Variants in CATSPERE observed in about 807,000 individuals in gnomAD.
CATSPERE encodes catsper channel auxiliary subunit epsilon.
CATSPERE carries 93 observed loss-of-function variants against 114.1 expected under a neutral mutation model. The observed-to-expected ratio is 0.81, with a 90% confidence interval of 0.69 to 0.97. The LOEUF (loss-of-function observed/expected upper bound fraction) is 0.97, where lower values mean the gene tolerates loss of function less well. Ranked by LOEUF, CATSPERE falls within the 50% of genes least tolerant of loss-of-function variation. The pLI, the probability that CATSPERE is intolerant of heterozygous loss-of-function variation, is 0.00. For synonymous variants in CATSPERE, 341 were observed against 384.1 expected (o/e 0.89, Z 1.31); for missense variants, 1,058 against 1,131.6 (o/e 0.93, Z 0.93).
intron 1 of CATSPERE, among the ~76,000 whole-genome samples, chr1:244,462,761 G>A (rs572449284): frequency 6.6e-5 from 10 of 152,152 alleles, no homozygotes; most frequent in African/African-American, 2.2e-4. Flanking sequence ...ACTGATTTCC[G>A]TTAAACATAA....
intron 7 of CATSPERE, among the ~76,000 whole-genome samples, chr1:244,507,218 G>A (rs1674960105): frequency 6.6e-6 from 1 of 152,072 alleles, no homozygotes; most frequent in African/African-American, 2.4e-5. Context: ...AATAAACATG[G>A]GGGTTCAGGT....
chr1:244,621,094 A>C (rs1452525780), intron 20 of CATSPERE, among the ~76,000 whole-genome samples: 1 of 60,996 alleles, frequency 1.6e-5, no homozygotes, highest in South Asian at 4.9e-4. Flanking sequence ...AATATATATA[A>C]AATATATATA....
intron 5 of CATSPERE, among the ~76,000 whole-genome samples, chr1:244,480,641 T>TTCAGTAAAACTACAG (rs55834250): frequency 6.6e-6 from 1 of 151,408 alleles, no homozygotes; most frequent in African/African-American, 2.4e-5. Flanking sequence ...TGGTTGTTGC[T>TTCAGTAAAACTACAG]GATAGTTTTA....
rs797002010 is a variant in CATSPERE at position 244,595,939 on chromosome 1, G to GA, written c.2303+2372dup. On this transcript the variant is annotated intron_variant, in intron 17 of 21. Coordinates refer to ENST00000366534, the MANE Select transcript of CATSPERE (RefSeq NM_001130957.2). ...CAGAGCGAGACTCCGTCTCAAAAAA[G>GA]AAAAAAAAAAATTTGCTTTAGCTAG... Among the ~76,000 whole-genome samples, 20 of 147,486 alleles carry GA rather than the reference G, an allele frequency of 1.4e-4. 1 individual carries two copies. The highest frequency in any genetic ancestry group is 4.3e-4 in the South Asian group (2 of 4,664).
intron 14 of CATSPERE, among the ~76,000 whole-genome samples, chr1:244,590,097 C>A (rs1392164064): frequency 6.6e-6 from 1 of 152,100 alleles, no homozygotes; most frequent in African/African-American, 2.4e-5. Flanking sequence ...TCTAGACTTC[C>A]AATATCTATC....
At chr1:244,519,088 G>C (rs1347537891) in intron 8 of CATSPERE, among the ~76,000 whole-genome samples, 1 of 152,150 alleles carries the variant, frequency 6.6e-6, no homozygotes, top group Non-Finnish European at 1.5e-5. Context: ...GTTAAAGTTA[G>C]TAGGTTATCA....
intron 20 of CATSPERE, among the ~76,000 whole-genome samples, chr1:244,625,582 C>T (rs1338700231): frequency 6.7e-6 from 1 of 149,612 alleles, no homozygotes; most frequent in Non-Finnish European, 1.5e-5. Flanking sequence ...GCATGTGCCA[C>T]CATGCCCGGC....
intron 7 of CATSPERE, among the ~76,000 whole-genome samples, chr1:244,513,822 G>A (rs1466881768): frequency 6.6e-6 from 1 of 152,184 alleles, no homozygotes; most frequent in Non-Finnish European, 1.5e-5. Flanking sequence ...CGCACTGGTG[G>A]AAGCTGCAGG....
intron 2 of CATSPERE, among the ~76,000 whole-genome samples, chr1:244,469,481 G>A (rs1172757456): frequency 2.0e-5 from 3 of 152,042 alleles, no homozygotes; most frequent in African/African-American, 4.8e-5. Flanking sequence ...ACATATTTCA[G>A]TGTGTACCTT....
intron 2 of CATSPERE, among the ~76,000 whole-genome samples, chr1:244,474,433 C>G (rs1668958981): frequency 6.6e-6 from 1 of 151,942 alleles, no homozygotes. Context: ...TGATCTTCTT[C>G]TATGTTCATT....
chr1:244,548,876 G>A (rs1660167471), intron 8 of CATSPERE, among the ~76,000 whole-genome samples: 1 of 152,156 alleles, frequency 6.6e-6, no homozygotes, highest in African/African-American at 2.4e-5. Flanking sequence ...GGAAATGGGA[G>A]TGGCACCACT....
chr1:244,586,730 C>G (rs1667080500), intron 13 of CATSPERE, among the ~76,000 whole-genome samples: 1 of 152,146 alleles, frequency 6.6e-6, no homozygotes, highest in Non-Finnish European at 1.5e-5. Flanking sequence ...TCCAGATTTG[C>G]TTTGTGGAAA....
At chr1:244,580,082 G>T (rs1665934704) in intron 11 of CATSPERE, among the ~76,000 whole-genome samples, 3 of 152,216 alleles carry the variant, frequency 2.0e-5, no homozygotes, top group South Asian at 4.1e-4. Flanking sequence ...TGTCATCCAG[G>T]CTGGAGTGCA....
At chr1:244,581,095 G>T (rs1490224856) in intron 11 of CATSPERE, among the ~76,000 whole-genome samples, 2 of 151,616 alleles carry the variant, frequency 1.3e-5, no homozygotes, top group Non-Finnish European at 2.9e-5. Flanking sequence ...GCTAAGCTTT[G>T]TCTATTTTTG....
chr1:244,606,303 A>G (rs1490154712), intron 18 of CATSPERE, among the ~76,000 whole-genome samples: 1 of 152,150 alleles, frequency 6.6e-6, no homozygotes, highest in Non-Finnish European at 1.5e-5. Flanking sequence ...TGTAGGCCGC[A>G]GCAGAGTGGT....
intron 2 of CATSPERE, among the ~76,000 whole-genome samples, chr1:244,469,646 AAAC>A (rs1668154130): frequency 6.6e-6 from 1 of 152,236 alleles, no homozygotes; most frequent in Admixed American, 6.5e-5. Context: ...ATCTAACAAA[AAAC>A]TATTAGAACT....
intron 8 of CATSPERE, among the ~76,000 whole-genome samples, chr1:244,544,413 T>A (rs1173570528): frequency 6.6e-6 from 1 of 152,204 alleles, no homozygotes; most frequent in African/African-American, 2.4e-5. Flanking sequence ...AACTTAGGCC[T>A]ATCTCACTGT....
Position 244,566,652 on chromosome 1 carries a change from C to CTTTTTTTTTTTTTTTT in CATSPERE, c.1507+5527_1507+5542dup, listed in dbSNP as rs59466928. Among the ~76,000 whole-genome samples the CTTTTTTTTTTTTTTTT allele has an allele frequency of 7.5e-4, 37 of 49,058 alleles. 6 individuals carry two copies. The highest frequency in any genetic ancestry group is 1.5e-3 in the Non-Finnish European group (21 of 14,260). 32.2% of individuals were successfully genotyped at this position (49,058 alleles called of 152,430 possible). ...TCAGAGACTAGGATTGCAACCCCTG[C>CTTTTTTTTTTTTTTTT]TTTTTTTTTTTTTTTTTTTTTTTTT... On this transcript the variant is annotated intron_variant, in intron 10 of 21. Coordinates refer to ENST00000366534, the MANE Select transcript of CATSPERE (RefSeq NM_001130957.2).
At chr1:244,577,925 C>G (rs7515268) in intron 11 of CATSPERE, among the ~76,000 whole-genome samples, 1 of 152,016 alleles carries the variant, frequency 6.6e-6, no homozygotes, top group Non-Finnish European at 1.5e-5. Flanking sequence ...GATATATGAT[C>G]TATTGCTACC....
Sources: gnomAD v4.1 joint callset for allele counts (sites outside exome capture counted in the v4.1 genomes callset) on GRCh38, gnomAD v4.1.1 for gene constraint, MANE v1.5 for transcripts, NCBI Gene and HGNC (gene_info 2026-07-23, HGNC 2026-07-21) for gene names.